Variants in NEK1 observed in about 807,000 individuals in gnomAD.
NEK1 encodes serine/threonine-protein kinase Nek1.
Under a neutral mutation model 182.1 loss-of-function variants are expected in NEK1, and 137 were observed. The observed-to-expected ratio is 0.75, with a 90% CI of 0.65 to 0.87. The LOEUF (loss-of-function observed/expected upper bound fraction) is 0.87. Ranked by LOEUF, NEK1 falls within the 40% of genes least tolerant of loss-of-function variation. The probability of loss-of-function intolerance (pLI) is 0.00; values close to 1 mark genes in which losing one functional copy is unlikely to be tolerated. For missense variants in NEK1, 1,391 were observed against 1,494.4 expected, an observed-to-expected ratio of 0.93 and a Z score of 1.14; for synonymous variants, 513 against 492.2, an observed-to-expected ratio of 1.04 and a Z score of -0.56.
chr4:169,412,315 T>C (rs1034921653), intron 31 of NEK1, among the ~76,000 whole-genome samples: 3 of 152,214 alleles, frequency 2.0e-5, no homozygotes, highest in African/African-American at 7.2e-5. Context: ...CAAGACTGTA[T>C]CACTGGCTTT....
At chr4:169,606,804 C>G (rs960469459) in intron 2 of NEK1, among the ~76,000 whole-genome samples, 3 of 152,216 alleles carry the variant, frequency 2.0e-5, no homozygotes, top group African/African-American at 7.2e-5. Flanking sequence ...CCTTCCAAAA[C>G]AACTTAAAAC....
At chr4:169,555,657 G>T in intron 18 of NEK1, 63 bp downstream of exon 18, 2 of 1,590,740 alleles carry the variant, frequency 1.3e-6, no homozygotes, top group Non-Finnish European at 1.7e-6. Flanking sequence ...TAGGTACTAA[G>T]CTATGTATGA....
chr4:169,593,145 A>C (rs1406944053), intron 5 of NEK1, among the ~76,000 whole-genome samples: 1 of 69,136 alleles, frequency 1.4e-5, no homozygotes, highest in Non-Finnish European at 2.5e-5. Context: ...AGGAACTAGC[A>C]AAAAAAAAAA....
At chr4:169,420,313 TTCACTTTCTTTTAATA>T (rs2111278729) in intron 31 of NEK1, among the ~76,000 whole-genome samples, 1 of 152,336 alleles carries the variant, frequency 6.6e-6, no homozygotes, top group Admixed American at 6.5e-5. Context: ...CGTTTTACAG[TTCACTTTCTTTTAATA>T]CGTAGAACAC....
chr4:169,472,787 T>C (rs1430283758), intron 26 of NEK1, among the ~76,000 whole-genome samples: 1 of 152,224 alleles, frequency 6.6e-6, no homozygotes, highest in Non-Finnish European at 1.5e-5. Flanking sequence ...ACTTTTCATG[T>C]ATAAATTACA....
chr4:169,471,800 C>A (rs112978232), intron 26 of NEK1, among the ~76,000 whole-genome samples: 2,960 of 152,196 alleles, frequency 0.019, 38 homozygotes, highest in Non-Finnish European at 0.029. Flanking sequence ...GGGGCTGCTA[C>A]CTTTCTTTCA....
chr4:169,611,451 A>G (rs1280487721), intron 2 of NEK1, among the ~76,000 whole-genome samples: 5 of 152,334 alleles, frequency 3.3e-5, no homozygotes, highest in Non-Finnish European at 5.9e-5. Flanking sequence ...ATCATAAAAA[A>G]AGGTCATTAA....
At chr4:169,579,197 G>C (rs999479418) in intron 11 of NEK1, among the ~76,000 whole-genome samples, 3 of 152,168 alleles carry the variant, frequency 2.0e-5, no homozygotes, top group African/African-American at 7.2e-5. Flanking sequence ...TAGGGGACTG[G>C]AGGCGACAAA....
chr4:169,420,212 C>CTTG (rs1422079730), intron 31 of NEK1, among the ~76,000 whole-genome samples: 1 of 152,184 alleles, frequency 6.6e-6, no homozygotes, highest in Non-Finnish European at 1.5e-5. Context: ...TCTAGAAAGT[C>CTTG]TTCAAGGGCA....
At chr4:169,534,165 A>G (rs1030987423) in intron 19 of NEK1, among the ~76,000 whole-genome samples, 1 of 152,142 alleles carries the variant, frequency 6.6e-6, no homozygotes, top group Non-Finnish European at 1.5e-5. Context: ...ATTTGCATCC[A>G]TAATGAAGTA....
At chr4:169,468,229 A>G (rs1745288425) in intron 26 of NEK1, among the ~76,000 whole-genome samples, 1 of 152,124 alleles carries the variant, frequency 6.6e-6, no homozygotes, top group African/African-American at 2.4e-5. Context: ...ATAAAAGAAT[A>G]CAAACGATTA....
chr4:169,579,196 G>A (rs1238186400), intron 11 of NEK1, among the ~76,000 whole-genome samples: 1 of 152,174 alleles, frequency 6.6e-6, no homozygotes, highest in Non-Finnish European at 1.5e-5. Flanking sequence ...ATAGGGGACT[G>A]GAGGCGACAA....
chr4:169,545,115 C>T (rs1350285491), intron 18 of NEK1, among the ~76,000 whole-genome samples: 3 of 148,066 alleles, frequency 2.0e-5, no homozygotes, highest in African/African-American at 5.0e-5. Context: ...AGGTTAGTTA[C>T]ATATGTATAC....
chr4:169,423,546 GATAA>G (rs1483277553), intron 31 of NEK1, among the ~76,000 whole-genome samples: 5 of 152,148 alleles, frequency 3.3e-5, no homozygotes, highest in African/African-American at 9.7e-5. Context: ...TTACTCATTT[GATAA>G]ATAGACAATT....
rs769486515 is a variant in NEK1 at position 169,561,901 on chromosome 4, A to G, written c.1081-10T>C. ...TCTTTCTTGCTGCTTCCTTAAATAA[A>G]AAAAAGAACATTTTAATCCATAATA... On this transcript the variant is annotated splice_polypyrimidine_tract_variant and intron_variant, in intron 13 of 35. Transcript: ENST00000507142. 6.3e-7 allele frequency: 1 copy of G among 1,591,834 alleles called. No homozygotes were observed. Among genetic ancestry groups the G allele is most frequent in the South Asian group, 1.2e-5 (1 of 86,356 alleles).
intron 31 of NEK1, among the ~76,000 whole-genome samples, chr4:169,418,785 G>C (rs1383792751): frequency 6.6e-6 from 1 of 152,034 alleles, no homozygotes; most frequent in South Asian, 2.1e-4. Context: ...TATGTAACTG[G>C]AGTCACAGAA....
At chr4:169,492,580 A>T (rs1427584870) in intron 23 of NEK1, among the ~76,000 whole-genome samples, 1 of 152,146 alleles carries the variant, frequency 6.6e-6, no homozygotes, top group Non-Finnish European at 1.5e-5. Context: ...GAACTGGGTG[A>T]GCAGCTGACT....
intron 5 of NEK1, among the ~76,000 whole-genome samples, chr4:169,595,184 A>C (rs1769230033): frequency 6.6e-6 from 1 of 152,184 alleles, no homozygotes; most frequent in African/African-American, 2.4e-5. Flanking sequence ...TTTTTTGTAC[A>C]TAAGCTGACA....
chr4:169,511,040 C>G (rs928910239), intron 19 of NEK1, among the ~76,000 whole-genome samples: 4 of 152,140 alleles, frequency 2.6e-5, no homozygotes, highest in African/African-American at 9.7e-5. Context: ...AATACAGACT[C>G]TGAAATCTGT....
Sources: gnomAD v4.1 joint callset for allele counts (sites outside exome capture counted in the v4.1 genomes callset) on GRCh38, gnomAD v4.1.1 for gene constraint, MANE v1.5 for transcripts, NCBI Gene and HGNC (gene_info 2026-07-23, HGNC 2026-07-21) for gene names.